Variants in PPM1E observed in about 807,000 individuals in gnomAD.
The protein encoded by PPM1E is protein phosphatase 1E.
In PPM1E, 20 loss-of-function variants were observed where a neutral mutation model predicts 65.9. The ratio of observed to expected loss-of-function variants is 0.30; its 90% CI spans 0.21 to 0.44. PPM1E has a LOEUF of 0.44. Ranked by LOEUF, PPM1E falls within the 20% of genes least tolerant of loss-of-function variation. PPM1E has a pLI of 1.00. For missense variants in PPM1E, 713 were observed against 953.1 expected, an observed-to-expected ratio of 0.75 and a Z score of 3.32; for synonymous variants, 352 against 374.9, an observed-to-expected ratio of 0.94 and a Z score of 0.70.
chr17:58,814,310 A>T (rs1378671969), intron 1 of PPM1E, among the ~76,000 whole-genome samples: 1 of 152,154 alleles, frequency 6.6e-6, no homozygotes, highest in Non-Finnish European at 1.5e-5. Context: ...TTGAAGGATA[A>T]AGGAGAACAT....
intron 1 of PPM1E, among the ~76,000 whole-genome samples, chr17:58,846,274 T>A (rs1362788640): frequency 1.3e-5 from 2 of 152,136 alleles, no homozygotes; most frequent in African/African-American, 2.4e-5. Context: ...TTCTTTCTTT[T>A]TTATTATTAT....
At position 58,984,715 on chromosome 17, in the gene PPM1E, T is replaced by C. The variant is rs985197630; in HGVS notation, c.*3684T>C. On this transcript the variant is annotated 3_prime_UTR_variant, in exon 7 of 7. Coordinates refer to ENST00000308249, the MANE Select transcript of PPM1E (RefSeq NM_014906.5). ...ACCACCAGTATTACAACACAATGAT[T>C]TTCCAGACAAATGGTATGGTGTTGA... is the stretch of plus-strand genomic sequence containing the variant. The C allele has an allele frequency of 2.0e-5, 3 of 152,618 alleles. No individual in the cohort carries two copies. Among genetic ancestry groups the C allele is most frequent in the Non-Finnish European group, 4.4e-5 (3 of 68,042 alleles). 9.5% of individuals were successfully genotyped at this position (152,618 alleles called of 1,614,324 possible). A position where few individuals can be genotyped will look rare whatever the true frequency, so the allele number is the denominator to read the frequency against.
In PPM1E at chr17:58,813,181, C is replaced by T. The variant is rs192691508; in HGVS notation, c.464+56720C>T. The stretch of plus-strand genomic sequence containing the variant: ...GATCTTTTATGGCAGGCACTGTCTT[C>T]TACTTTTATGTATCTCTATCCTCTT... On this transcript the variant is annotated intron_variant, in intron 1 of 6. Transcript: ENST00000308249. Among the ~76,000 whole-genome samples the T allele has an allele frequency of 3.9e-5, 6 of 152,294 alleles. No individual in the cohort carries two copies. In the East Asian group the frequency reaches 9.6e-4, roughly 24 times the overall value.
chr17:58,879,602 G>T (rs775973601), intron 1 of PPM1E, among the ~76,000 whole-genome samples: 3 of 138,458 alleles, frequency 2.2e-5, no homozygotes, highest in Non-Finnish European at 3.0e-5. Context: ...TCCGCCTCCC[G>T]GGTTCACGCC....
chr17:58,923,490 A>G (rs1256197480), intron 1 of PPM1E, among the ~76,000 whole-genome samples: 1 of 151,778 alleles, frequency 6.6e-6, no homozygotes, highest in Non-Finnish European at 1.5e-5. Flanking sequence ...TCACGCCTGT[A>G]ATCCCAGCAC....
intron 2 of PPM1E, among the ~76,000 whole-genome samples, chr17:58,963,158 G>A (rs1435933671): frequency 6.6e-6 from 1 of 152,084 alleles, no homozygotes; most frequent in Non-Finnish European, 1.5e-5. Context: ...GCCGAGGTGG[G>A]TGGATCACCT....
intron 1 of PPM1E, among the ~76,000 whole-genome samples, chr17:58,932,267 G>A (rs1474062501): frequency 2.0e-5 from 3 of 152,222 alleles, no homozygotes; most frequent in East Asian, 3.9e-4. Flanking sequence ...TCAGGAGTTC[G>A]AGACCAGCCT....
Position 58,943,771 on chromosome 17 carries a change from G to A in PPM1E, c.465-11878G>A, listed in dbSNP as rs185771220. On this transcript the variant is annotated intron_variant, in intron 1 of 6. Coordinates refer to ENST00000308249, the MANE Select transcript of PPM1E (RefSeq NM_014906.5). ...GAAGCCCTGCAGGTGATTCTGATGC[G>A]TGAGAAAGTTTTGAAAATGAATCTT... Among the ~76,000 whole-genome samples the A allele has an allele frequency of 2.3e-3, 352 of 152,252 alleles. 2 individuals carry two copies. The highest frequency in any genetic ancestry group is 4.0e-3 in the Non-Finnish European group (273 of 68,032).
Position 58,765,187 on chromosome 17 carries a change from T to C in PPM1E, c.464+8726T>C, listed in dbSNP as rs559893070. The stretch of plus-strand genomic sequence containing the variant: ...AACATTTTTCTTTCTTTCTTTTTTT[T>C]TTTTTTTTTGAGACAGGGTCTCGCT... On this transcript the variant is annotated intron_variant, in intron 1 of 6. Transcript: ENST00000308249. Among the ~76,000 whole-genome samples, 9 of 150,060 alleles carry C rather than the reference T, an allele frequency of 6.0e-5. No homozygotes were observed. The East Asian group carries it at 7.8e-4, about 13-fold the overall frequency.
At chr17:58,851,046 C>G (rs1166755822) in intron 1 of PPM1E, among the ~76,000 whole-genome samples, 2 of 152,168 alleles carry the variant, frequency 1.3e-5, no homozygotes, top group African/African-American at 2.4e-5. Context: ...CACTGATACC[C>G]TTTCTTCCAC....
chr17:58,876,833 G>T (rs1233730784), intron 1 of PPM1E, among the ~76,000 whole-genome samples: 4 of 152,122 alleles, frequency 2.6e-5, no homozygotes, highest in Middle Eastern at 3.2e-3. Context: ...CGCCAGGCTG[G>T]AGTGCAGTGG....
intron 1 of PPM1E, among the ~76,000 whole-genome samples, chr17:58,858,340 AT>A (rs1012610845): frequency 3.3e-5 from 5 of 152,078 alleles, no homozygotes; most frequent in African/African-American, 1.2e-4. Context: ...CCTTCTAGTT[AT>A]TTGAAACTAT....
At chr17:58,952,387 C>T (rs890161700) in intron 1 of PPM1E, among the ~76,000 whole-genome samples, 6 of 152,120 alleles carry the variant, frequency 3.9e-5, no homozygotes, top group Non-Finnish European at 7.4e-5. Flanking sequence ...GGTGCAGGCA[C>T]ACAGTTTCTT....
At chr17:58,828,896 A>G (rs951405533) in intron 1 of PPM1E, among the ~76,000 whole-genome samples, 1 of 152,220 alleles carries the variant, frequency 6.6e-6, no homozygotes, top group East Asian at 1.9e-4. Context: ...TAACAATTTT[A>G]TACAACTCCT....
At chr17:58,956,836 T>A (rs149171860) in intron 2 of PPM1E, among the ~76,000 whole-genome samples, 2 of 152,332 alleles carry the variant, frequency 1.3e-5, no homozygotes, top group Non-Finnish European at 2.9e-5. Flanking sequence ...GAGCAAAGCA[T>A]ATGTTAATGA....
chr17:58,769,779 C>A (rs906383139), intron 1 of PPM1E, among the ~76,000 whole-genome samples: 2 of 152,050 alleles, frequency 1.3e-5, no homozygotes, highest in African/African-American at 4.8e-5. Flanking sequence ...GTAATCCCAG[C>A]ACTTCGGGAG....
chr17:58,874,921 G>C (rs1042889824), intron 1 of PPM1E, among the ~76,000 whole-genome samples: 10 of 152,054 alleles, frequency 6.6e-5, no homozygotes, highest in South Asian at 6.2e-4. Flanking sequence ...AGCATCAATA[G>C]ATAAAGCTGA....
intron 1 of PPM1E, among the ~76,000 whole-genome samples, chr17:58,828,673 A>G (rs887553540): frequency 1.3e-5 from 2 of 152,156 alleles, no homozygotes; most frequent in African/African-American, 2.4e-5. Flanking sequence ...CATGTTGGTC[A>G]GGCTGGTCTC....
intron 1 of PPM1E, among the ~76,000 whole-genome samples, chr17:58,888,181 G>A (rs1039965594): frequency 3.9e-5 from 6 of 152,122 alleles, no homozygotes; most frequent in African/African-American, 9.7e-5. Context: ...AGAACCTGAA[G>A]TTCAGAAGAG....
Sources: gnomAD v4.1 joint callset for allele counts (sites outside exome capture counted in the v4.1 genomes callset) on GRCh38, gnomAD v4.1.1 for gene constraint, MANE v1.5 for transcripts, NCBI Gene and HGNC (gene_info 2026-07-23, HGNC 2026-07-21) for gene names.